The following CTNNA1 variants were observed in gnomAD, a reference collection of about 807,000 sequenced individuals.
CTNNA1 encodes catenin alpha-1.
In CTNNA1, 37 loss-of-function variants were observed where a neutral mutation model predicts 98.4. The observed-to-expected ratio is 0.38, with a 90% CI of 0.29 to 0.49. The LOEUF (loss-of-function observed/expected upper bound fraction) is 0.49, where lower values mean the gene tolerates loss of function less well. CTNNA1 is among the 20% of genes least tolerant of loss of function. The probability of loss-of-function intolerance (pLI) is 0.95; values close to 1 mark genes in which losing one functional copy is unlikely to be tolerated. For missense variants in CTNNA1, 761 were observed against 1,147.2 expected (o/e 0.66, Z 4.86); for synonymous variants, 404 against 413.2 (o/e 0.98, Z 0.27).
At chr5:138,788,843 T>A (rs1295993844) in intron 3 of CTNNA1, among the ~76,000 whole-genome samples, 5 of 152,132 alleles carry the variant, frequency 3.3e-5, no homozygotes, top group Admixed American at 1.3e-4. Context: ...GAACAGTGTT[T>A]TATAATCCAT....
intron 16 of CTNNA1, chr5:138,932,347 C>T: frequency 7.3e-7 from 1 of 1,364,168 alleles, no homozygotes; most frequent in Non-Finnish European, 9.4e-7. Flanking sequence ...ACAACCAGTG[C>T]CATGCGGCGC....
chr5:138,895,774 G>C (rs890025124), intron 9 of CTNNA1, among the ~76,000 whole-genome samples: 1 of 152,004 alleles, frequency 6.6e-6, no homozygotes, highest in East Asian at 1.9e-4. Flanking sequence ...GAGGTGATAC[G>C]TGCAAGTTGT....
At chr5:138,775,056 C>A (rs1020774383) in intron 1 of CTNNA1, among the ~76,000 whole-genome samples, 1 of 152,122 alleles carries the variant, frequency 6.6e-6, no homozygotes, top group Non-Finnish European at 1.5e-5. Context: ...ATGTGTTGTA[C>A]CTGTTTAATA....
rs147972281 is a variant in CTNNA1, at chr5:138,855,866, G to C, written c.1062+28148G>C. On this transcript the variant is annotated intron_variant, in intron 7 of 17. Transcript: ENST00000302763. ...GTTGTTAGCTAGTCTTGATTGTAAT[G>C]AAAATGTGAAAAGAAATGTATGTTA... 1.4e-3 allele frequency among the ~76,000 whole-genome samples: 212 copies of C among 152,262 alleles called. 1 individual carries two copies. The highest frequency in any genetic ancestry group is 4.7e-3 in the African/African-American group (196 of 41,546).
intron 3 of CTNNA1, among the ~76,000 whole-genome samples, chr5:138,788,749 T>G (rs1171858943): frequency 6.6e-6 from 1 of 152,114 alleles, no homozygotes; most frequent in Non-Finnish European, 1.5e-5. Context: ...TAAATGAAGC[T>G]TTTTTGAAAA....
chr5:138,775,894 T>G lies in CTNNA1; in HGVS notation c.-2-6029T>G, dbSNP rs537990024. 2.5e-3 allele frequency among the ~76,000 whole-genome samples: 377 copies of G among 151,442 alleles called. 4 individuals carry two copies. Among genetic ancestry groups the G allele is most frequent in the Admixed American group, 9.1e-3 (138 of 15,208 alleles). ...CCTGCCACCACACCTGGCTAATTTT[T>G]TTTTTGTATTTTTAGTAGAGACGGG... On this transcript the variant is annotated intron_variant, in intron 1 of 17. Transcript: ENST00000302763.
rs2149656541 is a variant in CTNNA1, at chr5:138,783,278, T to C, written c.207T>C (p.Thr69=). The change falls in exon 3 of 18, where the codon ACT becomes ACC. Residue 69 remains threonine, a synonymous_variant. Coordinates refer to ENST00000302763, the MANE Select transcript of CTNNA1 (RefSeq NM_001903.5). The part of the protein sequence containing the change: ...HVLAASVEQA[T]ENFLEKGDKI... ...TGGCTGCATCTGTTGAACAAGCAAC[T>C]GAGAATTTCTTGGAGAAGGGGGATA... 8 of 1,614,160 alleles carry C rather than the reference T, an allele frequency of 5.0e-6. No homozygotes were observed. The highest frequency in any genetic ancestry group is 6.8e-6 in the Non-Finnish European group (8 of 1,180,002).
At chr5:138,933,227 C>G (rs1433128318) in intron 17 of CTNNA1, among the ~76,000 whole-genome samples, 2 of 152,072 alleles carry the variant, frequency 1.3e-5, no homozygotes, top group African/African-American at 4.8e-5. Flanking sequence ...TCTCAAAAGC[C>G]CTTCACTCCT....
chr5:138,827,365 G>A, intron 6 of CTNNA1, 150 bp from the exon 7 acceptor site: 1 of 820,498 alleles, frequency 1.2e-6, no homozygotes, highest in South Asian at 1.7e-5. Context: ...TCTTCTGTGG[G>A]ACAGCCCCTT....
intron 5 of CTNNA1, among the ~76,000 whole-genome samples, chr5:138,819,961 C>T (rs188321522): frequency 2.0e-5 from 3 of 151,872 alleles, no homozygotes; most frequent in Non-Finnish European, 4.4e-5. Flanking sequence ...CTCCTGCTCT[C>T]GCCATGTAAG....
Position 138,934,034 on chromosome 5 carries a change from A to C in CTNNA1, c.2666A>C (p.Lys889Thr). ...AAGATTAAACGGGCATCTCAGAAGA[A>C]GCACGTGAACCCGGTGCAGGCCCTC... ...QTKIKRASQK[K>T]HVNPVQALSE... Residue 889 changes from lysine to threonine, a missense_variant, in exon 18 of 18, where the codon AAG becomes ACG. By Grantham distance (78) the Lys-to-Thr change is moderately conservative (BLOSUM62 -1). This residue lies in a region of CTNNA1 where 57 missense variants were observed against 90.9 expected (regional missense o/e 0.63). Coordinates refer to ENST00000302763, the MANE Select transcript of CTNNA1 (RefSeq NM_001903.5). 6.2e-7 allele frequency: 1 copy of C among 1,613,994 alleles called. No homozygotes were observed. Among genetic ancestry groups the C allele is most frequent in the Non-Finnish European group, 8.5e-7 (1 of 1,179,980 alleles).
At chr5:138,914,773 G>A (rs1761370028) in intron 10 of CTNNA1, among the ~76,000 whole-genome samples, 1 of 151,996 alleles carries the variant, frequency 6.6e-6, no homozygotes, top group African/African-American at 2.4e-5. Flanking sequence ...CTCCACTCAG[G>A]GCTGCCCCCA....
chr5:138,850,859 A>AAACCCT (rs2149843646), intron 7 of CTNNA1, among the ~76,000 whole-genome samples: 1 of 152,340 alleles, frequency 6.6e-6, no homozygotes, highest in Admixed American at 6.5e-5. Flanking sequence ...AAACAAACAG[A>AAACCCT]AACCCTGTCT....
intron 7 of CTNNA1, among the ~76,000 whole-genome samples, chr5:138,881,906 T>A (rs1227573946): frequency 6.6e-6 from 1 of 152,174 alleles, no homozygotes; most frequent in Non-Finnish European, 1.5e-5. Context: ...TTCACCCTCC[T>A]CTACCCACCT....
chr5:138,778,184 C>T (rs576860886), intron 1 of CTNNA1, among the ~76,000 whole-genome samples: 2 of 151,596 alleles, frequency 1.3e-5, no homozygotes, highest in African/African-American at 2.4e-5. Flanking sequence ...TTAGTAGAGA[C>T]GGGGTTTCAC....
chr5:138,821,888 C>T (rs922917493), intron 5 of CTNNA1, among the ~76,000 whole-genome samples: 1 of 152,114 alleles, frequency 6.6e-6, no homozygotes, highest in African/African-American at 2.4e-5. Context: ...CATTATATAT[C>T]TTGAAAAGAG....
intron 3 of CTNNA1, among the ~76,000 whole-genome samples, chr5:138,794,702 A>G: frequency 6.6e-6 from 1 of 152,242 alleles, no homozygotes; most frequent in East Asian, 1.9e-4. Flanking sequence ...GATCATAGAA[A>G]ATGAATTAAA....
At chr5:138,872,362 T>C (rs566414414) in intron 7 of CTNNA1, 115 of 152,716 alleles carry the variant, frequency 7.5e-4, no homozygotes, top group Non-Finnish European at 1.3e-3. Context: ...TGTGTAAATA[T>C]ATTAAAGAGT....
intron 7 of CTNNA1, among the ~76,000 whole-genome samples, chr5:138,862,644 A>T (rs115538852): frequency 7.9e-4 from 121 of 152,230 alleles, no homozygotes; most frequent in African/African-American, 2.8e-3. Context: ...GAGTAATATC[A>T]TATCTAATAT....
Sources: allele counts gnomAD v4.1 joint callset (sites outside exome capture counted in the v4.1 genomes callset), GRCh38; gene constraint gnomAD v4.1.1; regional missense constraint gnomAD v4.1.1; transcripts MANE v1.5; gene names NCBI Gene and HGNC (gene_info 2026-07-23, HGNC 2026-07-21).